SPOCK3: variants seen among roughly 807,000 people sequenced by gnomAD.
SPOCK3 encodes testican-3.
SPOCK3 carries 30 observed loss-of-function variants against 56.6 expected under a neutral mutation model. The ratio of observed to expected loss-of-function variants is 0.53; its 90% CI spans 0.40 to 0.72. The LOEUF (loss-of-function observed/expected upper bound fraction) is 0.72. Among genes scored for constraint, SPOCK3 ranks in the 30% least tolerant of loss-of-function variants. The probability of loss-of-function intolerance (pLI) is 0.00; values close to 1 mark genes in which losing one functional copy is unlikely to be tolerated. For missense variants in SPOCK3, 527 were observed against 530.0 expected, an observed-to-expected ratio of 0.99 and a Z score of 0.06; for synonymous variants, 196 against 183.3, an observed-to-expected ratio of 1.07 and a Z score of -0.56.
intron 3 of SPOCK3, among the ~76,000 whole-genome samples, chr4:167,034,647 A>G (rs1175427777): frequency 1.3e-5 from 2 of 152,178 alleles, no homozygotes; most frequent in Non-Finnish European, 2.9e-5. Context: ...TTTAATCCAG[A>G]TAAAATATGG....
At chr4:166,866,492 G>A (rs1731856550) in intron 6 of SPOCK3, among the ~76,000 whole-genome samples, 1 of 152,074 alleles carries the variant, frequency 6.6e-6, no homozygotes, top group Admixed American at 6.6e-5. Flanking sequence ...GAGTGAACAG[G>A]CAAACTTCAG....
chr4:166,800,440 T>A (rs760007164), intron 6 of SPOCK3, among the ~76,000 whole-genome samples: 26 of 152,032 alleles, frequency 1.7e-4, no homozygotes, highest in Admixed American at 5.9e-4. Flanking sequence ...ATTGTTATCG[T>A]AGGAGAAGAC....
At chr4:166,884,984 T>C (rs1413682365) in intron 6 of SPOCK3, among the ~76,000 whole-genome samples, 1 of 151,838 alleles carries the variant, frequency 6.6e-6, no homozygotes, top group Non-Finnish European at 1.5e-5. Context: ...GATTCTCAGC[T>C]CCCAATAAAA....
At chr4:167,066,855 G>T (rs1182026408) in intron 2 of SPOCK3, among the ~76,000 whole-genome samples, 1 of 151,904 alleles carries the variant, frequency 6.6e-6, no homozygotes, top group Non-Finnish European at 1.5e-5. Flanking sequence ...CCAGTATGGA[G>T]AAGCTAGTTT....
chr4:166,898,205 GA>G lies in SPOCK3; in HGVS notation c.475-8962del, dbSNP rs199992979. On this transcript the variant is annotated intron_variant, in intron 5 of 10. Transcript: ENST00000357545. ...AGAGAAAGACCCTCTCCCTAAAAAA[GA>G]AAAAAAAATATTTTTCATGTCTGGA... Among the ~76,000 whole-genome samples, 901 of 150,896 alleles carry G rather than the reference GA, an allele frequency of 6.0e-3. 6 individuals are homozygous for G. Among genetic ancestry groups the G allele is most frequent in the African/African-American group, 0.021 (866 of 41,120 alleles).
intron 7 of SPOCK3, 35 bp from the exon 8 acceptor site, chr4:166,754,764 A>G (rs1372325196): frequency 1.9e-6 from 3 of 1,608,374 alleles, no homozygotes; most frequent in Middle Eastern, 1.7e-4. Flanking sequence ...TTAGTTAAAT[A>G]TGAAAGACAC....
At chr4:166,861,278 A>T (rs1406633928) in intron 6 of SPOCK3, among the ~76,000 whole-genome samples, 1 of 152,070 alleles carries the variant, frequency 6.6e-6, no homozygotes, top group Non-Finnish European at 1.5e-5. Flanking sequence ...AAAGAATAAG[A>T]GTCTTTCTCT....
intron 6 of SPOCK3, among the ~76,000 whole-genome samples, chr4:166,859,125 A>G (rs1044290821): frequency 1.3e-5 from 2 of 152,208 alleles, no homozygotes; most frequent in African/African-American, 4.8e-5. Flanking sequence ...ACCATGCTGT[A>G]CAAGTTTGTA....
At chr4:167,144,594 AG>A (rs1763785784) in intron 2 of SPOCK3, among the ~76,000 whole-genome samples, 1 of 151,996 alleles carries the variant, frequency 6.6e-6, no homozygotes, top group South Asian at 2.1e-4. Flanking sequence ...AGATAGTGAT[AG>A]GTAATAAATG....
chr4:167,220,941 G>T (rs981316469), intron 2 of SPOCK3, among the ~76,000 whole-genome samples: 1 of 152,118 alleles, frequency 6.6e-6, no homozygotes, highest in Non-Finnish European at 1.5e-5. Context: ...CAAGATCATG[G>T]TGATTCTGTA....
intron 4 of SPOCK3, among the ~76,000 whole-genome samples, chr4:166,942,348 C>G (rs145424385): frequency 0.026 from 3,950 of 151,714 alleles, 161 homozygotes; most frequent in African/African-American, 0.089. Flanking sequence ...GTAGCTGGGA[C>G]TACAGGAGCG....
chr4:166,848,558 A>G (rs1250535088), intron 6 of SPOCK3, among the ~76,000 whole-genome samples: 1 of 152,212 alleles, frequency 6.6e-6, no homozygotes, highest in African/African-American at 2.4e-5. Flanking sequence ...TGAGTGTTCC[A>G]GGTTGGATAC....
intron 4 of SPOCK3, among the ~76,000 whole-genome samples, chr4:166,956,482 A>G (rs1164386941): frequency 6.6e-6 from 1 of 152,186 alleles, no homozygotes; most frequent in African/African-American, 2.4e-5. Flanking sequence ...TAGCACATAC[A>G]GTGCAAGAAC....
intron 4 of SPOCK3, among the ~76,000 whole-genome samples, chr4:166,978,323 G>C (rs544952971): frequency 6.6e-6 from 1 of 152,136 alleles, no homozygotes; most frequent in African/African-American, 2.4e-5. Context: ...TTGAGTACAA[G>C]TAGGGAAAAA....
rs542933859 is a variant in SPOCK3, at chr4:167,215,604, G to C, written c.189+18381C>G. ...TGTGGCGTGAAGATAGGTGATACCT[G>C]ATTTGTGTGAAGAATGCATGAAAGA... is the stretch of plus-strand genomic sequence containing the variant. On this transcript the variant is annotated intron_variant, in intron 2 of 10. Transcript: ENST00000357545. Among the ~76,000 whole-genome samples, 4 of 152,268 alleles carry C rather than the reference G, an allele frequency of 2.6e-5. No individual in the cohort carries two copies. In the South Asian group the frequency reaches 8.3e-4, roughly 32 times the overall value.
rs199628090 is a variant in SPOCK3, at chr4:166,779,285, C to CA, written c.709+12884dup. Among the ~76,000 whole-genome samples the CA allele has an allele frequency of 5.3e-3, 798 of 149,898 alleles. 5 individuals are homozygous for CA. The highest frequency in any genetic ancestry group is 0.018 in the African/African-American group (741 of 40,956). On this transcript the variant is annotated intron_variant, in intron 7 of 10. Coordinates refer to ENST00000357545, the MANE Select transcript of SPOCK3 (RefSeq NM_001040159.2). ...AAATCAGAAATATGGAACTCATTCT[C>CA]AAAAAAAAAGTAAAGATAATCAATT...
At chr4:167,105,444 A>G (rs539194543) in intron 2 of SPOCK3, among the ~76,000 whole-genome samples, 1 of 144,436 alleles carries the variant, frequency 6.9e-6, no homozygotes, top group Admixed American at 7.1e-5. Context: ...TTAAAAAATT[A>G]CAACAAATAC....
chr4:167,091,246 C>T (rs1758673723), intron 2 of SPOCK3, among the ~76,000 whole-genome samples: 1 of 152,062 alleles, frequency 6.6e-6, no homozygotes. Context: ...TATTTAAATA[C>T]CTACATGGTA....
chr4:167,145,497 T>G (rs532221991), intron 2 of SPOCK3, among the ~76,000 whole-genome samples: 2 of 152,052 alleles, frequency 1.3e-5, no homozygotes, highest in East Asian at 3.9e-4. Context: ...AGGCTGTGTG[T>G]CACCCTAATT....
Sources: gnomAD v4.1 joint callset for allele counts (sites outside exome capture counted in the v4.1 genomes callset) on GRCh38, gnomAD v4.1.1 for gene constraint, MANE v1.5 for transcripts, NCBI Gene and HGNC (gene_info 2026-07-23, HGNC 2026-07-21) for gene names.